The following SEC24B variants were observed in gnomAD, a reference collection of about 807,000 sequenced individuals.
SEC24B encodes protein transport protein Sec24B.
A neutral mutation model predicts 142.8 loss-of-function variants in SEC24B; 45 were observed. The ratio of observed to expected loss-of-function variants is 0.32; its 90% CI spans 0.25 to 0.40. The LOEUF is 0.40. Ranked by LOEUF, SEC24B falls within the 10% of genes least tolerant of loss-of-function variation. The pLI is 1.00. For missense variants in SEC24B, 1,409 were observed against 1,526.8 expected (o/e 0.92, Z 1.29); for synonymous variants, 574 against 568.2 (o/e 1.01, Z -0.15).
chr4:109,536,769 TC>T (rs556400804), intron 22 of SEC24B, among the ~76,000 whole-genome samples: 2 of 151,664 alleles, frequency 1.3e-5, no homozygotes, highest in Non-Finnish European at 2.9e-5. Flanking sequence ...GACTTTGTGA[TC>T]CCCCCACCTC....
chr4:109,498,596 C>T lies in SEC24B; in HGVS notation c.1488+3740C>T, dbSNP rs923350998. ...AGCCAGGATGGTCTGGATCTCCTGACCTCGTTATCTGCCCGCCTTGGCCTC... is the reference window on the plus strand; with the variant it reads ...AGCCAGGATGGTCTGGATCTCCTGATCTCGTTATCTGCCCGCCTTGGCCTC... On this transcript the variant is annotated intron_variant, in intron 6 of 23. Transcript: ENST00000265175. Among the ~76,000 whole-genome samples the T allele has an allele frequency of 2.6e-5, 4 of 152,268 alleles. 1 individual carries two copies. The highest frequency in any genetic ancestry group is 2.6e-4 in the Admixed American group (4 of 15,294).
chr4:109,535,596 C>T (rs1725444198), intron 22 of SEC24B, among the ~76,000 whole-genome samples: 1 of 151,560 alleles, frequency 6.6e-6, no homozygotes, highest in African/African-American at 2.4e-5. Context: ...TGCCTGTAAT[C>T]CCAGCACTTT....
chr4:109,521,470 A>G lies in SEC24B; in HGVS notation c.2352A>G (p.Arg784=). The change falls in exon 14 of 24, where the codon AGA becomes AGG. Residue 784 remains arginine (R), a synonymous_variant. Transcript: ENST00000265175. ...TACCAAACATGTTCACCAATACAAGAGAAACACACAGTGCCCTTGGTCCTG... is the reference window on the plus strand; with the variant it reads ...TACCAAACATGTTCACCAATACAAGGGAAACACACAGTGCCCTTGGTCCTG... ...NALPNMFTNT[R]ETHSALGPAL... 1 of 1,614,170 alleles carries G rather than the reference A, an allele frequency of 6.2e-7. No individual in the cohort carries two copies. The highest frequency in any genetic ancestry group is 8.5e-7 in the Non-Finnish European group (1 of 1,180,024).
chr4:109,458,838 T>A (rs1730970795), intron 1 of SEC24B, among the ~76,000 whole-genome samples: 1 of 151,996 alleles, frequency 6.6e-6, no homozygotes, highest in Non-Finnish European at 1.5e-5. Flanking sequence ...TCTGTATTTT[T>A]TTTTTTTACA....
chr4:109,465,490 A>G (rs1223254136), intron 2 of SEC24B, among the ~76,000 whole-genome samples: 1 of 152,224 alleles, frequency 6.6e-6, no homozygotes, highest in Non-Finnish European at 1.5e-5. Context: ...CCTAGAGGTC[A>G]GTTTCTTCTG....
intron 23 of SEC24B, among the ~76,000 whole-genome samples, chr4:109,539,350 C>T (rs1024230208): frequency 3.9e-5 from 6 of 151,974 alleles, no homozygotes; most frequent in African/African-American, 1.5e-4. Flanking sequence ...TCAAGCAGTC[C>T]TCCCACCTTA....
At chr4:109,539,440 C>T in intron 23 of SEC24B, 121 bp from the exon 24 acceptor site, 1 of 663,708 alleles carries the variant, frequency 1.5e-6, no homozygotes, top group Non-Finnish European at 2.7e-6. Flanking sequence ...TAGAAATATG[C>T]ACTTTTATTT....
In SEC24B at chr4:109,529,379, A is replaced by T. The variant is rs906292615; in HGVS notation, c.3077-910A>T. 3.3e-5 allele frequency among the ~76,000 whole-genome samples: 5 copies of T among 152,160 alleles called. No individual in the cohort carries two copies. The South Asian group carries it at 1.0e-3, about 31-fold the overall frequency. ...TTTATATATAGATTTTGAATTAATT[A>T]TGCCATAACCAATTGTTTTTTAATA... On this transcript the variant is annotated intron_variant, in intron 18 of 23. Transcript: ENST00000265175.
intron 6 of SEC24B, among the ~76,000 whole-genome samples, chr4:109,499,586 C>T (rs980586276): frequency 2.0e-5 from 3 of 152,190 alleles, no homozygotes; most frequent in South Asian, 4.1e-4. Flanking sequence ...TGATGGACCA[C>T]ATATGTGATG....
intron 4 of SEC24B, among the ~76,000 whole-genome samples, chr4:109,483,078 G>GTA (rs1295483402): frequency 5.2e-4 from 53 of 102,384 alleles, no homozygotes; most frequent in East Asian, 1.8e-3. Context: ...ATATATGTAT[G>GTA]TATATATATA....
At chr4:109,514,372 C>A (rs7665680) in intron 10 of SEC24B, among the ~76,000 whole-genome samples, 1 of 152,110 alleles carries the variant, frequency 6.6e-6, no homozygotes, top group African/African-American at 2.4e-5. Context: ...TGCTCATCTT[C>A]GTTATCATAT....
At chr4:109,460,368 T>G (rs1578799059) in intron 1 of SEC24B, among the ~76,000 whole-genome samples, 1 of 152,188 alleles carries the variant, frequency 6.6e-6, no homozygotes, top group African/African-American at 2.4e-5. Context: ...TAAAACATCT[T>G]GTCAATTTTC....
At chr4:109,491,723 A>G (rs1391752439) in intron 5 of SEC24B, among the ~76,000 whole-genome samples, 2 of 151,934 alleles carry the variant, frequency 1.3e-5, no homozygotes, top group African/African-American at 4.8e-5. Flanking sequence ...TTCTATTGTC[A>G]TGCTTAGGTC....
intron 1 of SEC24B, among the ~76,000 whole-genome samples, chr4:109,449,975 G>A (rs944005488): frequency 6.6e-6 from 1 of 152,162 alleles, no homozygotes; most frequent in African/African-American, 2.4e-5. Flanking sequence ...AGCACTTTGG[G>A]AGGCCGAAGC....
intron 1 of SEC24B, chr4:109,449,589 T>C (rs1729848181): frequency 2.2e-6 from 1 of 448,290 alleles, no homozygotes; most frequent in African/African-American, 2.0e-5. Context: ...AGCATGGTCA[T>C]ATTCTAATGA....
chr4:109,501,352 C>T (rs1307155482), intron 6 of SEC24B, among the ~76,000 whole-genome samples: 1 of 152,232 alleles, frequency 6.6e-6, no homozygotes, highest in Non-Finnish European at 1.5e-5. Context: ...GACAAAATCA[C>T]CTAACGACAC....
chr4:109,433,817 C>A lies in SEC24B; in HGVS notation c.-53C>A, dbSNP rs72896632. On this transcript the variant is annotated 5_prime_UTR_variant, in exon 1 of 24. Coordinates refer to ENST00000265175, the MANE Select transcript of SEC24B (RefSeq NM_006323.5). ...TCTCTCCTCTCCGGCCCCGCCTTCC[C>A]TTCCCTCCGCCCACCTCCCTGAAGC... 3 of 1,224,932 alleles carry A rather than the reference C, an allele frequency of 2.4e-6. No homozygotes were observed. The highest frequency in any genetic ancestry group is 3.1e-6 in the Non-Finnish European group (3 of 979,868). 75.9% of individuals were successfully genotyped at this position (1,224,932 alleles called of 1,614,324 possible).
intron 1 of SEC24B, among the ~76,000 whole-genome samples, chr4:109,447,910 T>C (rs1415148205): frequency 1.3e-5 from 2 of 152,248 alleles, no homozygotes; most frequent in Non-Finnish European, 2.9e-5. Flanking sequence ...AATTAATTTC[T>C]TGCCTTTGTC....
intron 8 of SEC24B, among the ~76,000 whole-genome samples, chr4:109,511,600 G>A (rs1267288840): frequency 6.6e-6 from 1 of 152,196 alleles, no homozygotes; most frequent in Non-Finnish European, 1.5e-5. Flanking sequence ...AGTCTAATGA[G>A]CAGTGCCTAA....
Sources: allele counts gnomAD v4.1 joint callset (sites outside exome capture counted in the v4.1 genomes callset), GRCh38; gene constraint gnomAD v4.1.1; transcripts MANE v1.5; gene names NCBI Gene and HGNC (gene_info 2026-07-23, HGNC 2026-07-21).